The following SYNGR1 variants were observed in gnomAD, a reference collection of about 807,000 sequenced individuals.
SYNGR1 encodes synaptogyrin 1.
SYNGR1 carries 14 observed loss-of-function variants against 26.1 expected under a neutral mutation model. That is an observed-to-expected ratio of 0.54 (90% CI 0.35 to 0.84). The LOEUF (loss-of-function observed/expected upper bound fraction) is 0.84, where lower values mean the gene tolerates loss of function less well. SYNGR1 is among the 40% of genes least tolerant of loss of function. The probability of loss-of-function intolerance (pLI) is 0.01; values close to 1 mark genes in which losing one functional copy is unlikely to be tolerated. For missense variants in SYNGR1, 319 were observed against 332.9 expected, an observed-to-expected ratio of 0.96 and a Z score of 0.33; for synonymous variants, 141 against 150.1, an observed-to-expected ratio of 0.94 and a Z score of 0.44.
intron 3 of SYNGR1, chr22:39,378,373 G>A (rs1385360090): frequency 2.3e-6 from 2 of 870,336 alleles, no homozygotes; most frequent in Admixed American, 6.2e-5. Context: ...AAGCTCTTTT[G>A]TTCATTCATT....
chr22:39,378,165 C>A (rs983968510), intron 3 of SYNGR1: 2 of 1,112,406 alleles, frequency 1.8e-6, no homozygotes, highest in Non-Finnish European at 1.1e-6. Flanking sequence ...GGGTTAGCAT[C>A]CTGGCCGAGG....
chr22:39,381,689 TC>T lies in SYNGR1; in HGVS notation c.484-3del, dbSNP rs1385609329. ...CTGTCCTTGTCCTCGCCGGCCTTTG[TC>T]CCCAGGCGGGCCAGGCTGTGCTGGC... On this transcript the variant is annotated splice_polypyrimidine_tract_variant and splice_region_variant and intron_variant, in intron 3 of 3. Transcript: ENST00000328933. 2 of 1,613,258 alleles carry T rather than the reference TC, an allele frequency of 1.2e-6. No individual in the cohort carries two copies. The highest frequency in any genetic ancestry group is 3.3e-5 in the Admixed American group (2 of 60,020).
chr22:39,370,730 G>C (rs1924980851), intron 1 of SYNGR1, among the ~76,000 whole-genome samples: 1 of 151,170 alleles, frequency 6.6e-6, no homozygotes, highest in South Asian at 2.1e-4. Context: ...CCATTCTCCT[G>C]TCACAGGCTT....
At chr22:39,378,072 C>T in intron 3 of SYNGR1, 1 of 1,184,282 alleles carries the variant, frequency 8.4e-7, no homozygotes, top group African/African-American at 1.6e-5. Flanking sequence ...TAGAGGCGTT[C>T]ATGGTCCCCA....
At chr22:39,362,202 G>C (rs774894793) in intron 1 of SYNGR1, among the ~76,000 whole-genome samples, 9 of 152,114 alleles carry the variant, frequency 5.9e-5, no homozygotes, top group Non-Finnish European at 1.3e-4. Context: ...CTCAGCCAGA[G>C]GAGAGGAAGA....
chr22:39,357,485 T>A (rs1003514639), intron 1 of SYNGR1, among the ~76,000 whole-genome samples: 1 of 152,160 alleles, frequency 6.6e-6, no homozygotes, highest in Admixed American at 6.5e-5. Flanking sequence ...AGCCCCTTTC[T>A]GGGCTGGCCA....
intron 1 of SYNGR1, among the ~76,000 whole-genome samples, chr22:39,361,208 A>G (rs1924455815): frequency 6.6e-6 from 1 of 152,204 alleles, no homozygotes; most frequent in African/African-American, 2.4e-5. Flanking sequence ...AAGGTGAGGC[A>G]GGGCCTGGGA....
chr22:39,366,515 G>A (rs771891263), intron 1 of SYNGR1, among the ~76,000 whole-genome samples: 4 of 152,008 alleles, frequency 2.6e-5, no homozygotes, highest in Non-Finnish European at 4.4e-5. Flanking sequence ...GTGCAGGAGC[G>A]CACGGCTATA....
intron 3 of SYNGR1, among the ~76,000 whole-genome samples, chr22:39,380,636 T>C (rs1925470481): frequency 6.8e-6 from 1 of 147,876 alleles, no homozygotes; most frequent in African/African-American, 2.5e-5. Context: ...TTTTTTTTTT[T>C]TTTTGAGACA....
At chr22:39,376,491 T>C (rs1925293457) in intron 3 of SYNGR1, among the ~76,000 whole-genome samples, 1 of 151,178 alleles carries the variant, frequency 6.6e-6, no homozygotes, top group South Asian at 2.1e-4. Context: ...TCTGGGTAAA[T>C]GGTGTTTATT....
chr22:39,375,904 C>T, intron 2 of SYNGR1, 148 bp from the exon 3 acceptor site: 1 of 1,043,172 alleles, frequency 9.6e-7, no homozygotes, highest in South Asian at 1.3e-5. Context: ...CTTCCCCTAC[C>T]CCCTTTGCCT....
At chr22:39,351,454 C>T (rs189678614) in intron 1 of SYNGR1, among the ~76,000 whole-genome samples, 1 of 152,246 alleles carries the variant, frequency 6.6e-6, no homozygotes. Flanking sequence ...TGCACAGAGC[C>T]GGGCACCCCA....
intron 1 of SYNGR1, among the ~76,000 whole-genome samples, chr22:39,358,665 A>G (rs1390395247): frequency 6.6e-6 from 1 of 152,080 alleles, no homozygotes; most frequent in Admixed American, 6.5e-5. Flanking sequence ...GAAACTCCGG[A>G]CACATCCGAA....
Position 39,381,885 on chromosome 22 carries a change from C to G in SYNGR1, c.673C>G (p.Pro225Ala). ...GCCGGCCAACACCTTCGACACCGAG[C>G]CCCAGGGCTACCAGTCGCAGGGCTA... ...QQPANTFDTE[P>A]QGYQSQGY The change falls in exon 4 of 4, where the codon CCC becomes GCC. Residue 225 changes from proline to alanine, a missense_variant. Coordinates refer to ENST00000328933, the MANE Select transcript of SYNGR1 (RefSeq NM_004711.5). 6.2e-7 allele frequency: 1 copy of G among 1,612,648 alleles called. No homozygotes were observed. The highest frequency in any genetic ancestry group is 8.5e-7 in the Non-Finnish European group (1 of 1,179,754).
At position 39,382,952 on chromosome 22, in the gene SYNGR1, C is replaced by T. The variant is rs939634716; in HGVS notation, c.*1038C>T. 6.6e-6 allele frequency: 1 copy of T among 152,272 alleles called. No homozygotes were observed. The highest frequency in any genetic ancestry group is 1.5e-5 in the Non-Finnish European group (1 of 68,104). 9.4% of individuals were successfully genotyped at this position (152,272 alleles called of 1,614,324 possible). ...AAGCCCTTACCTAGGGCTGGGTGGA[C>T]AACAAGGCACAGATGAGGGTGTGAC... On this transcript the variant is annotated 3_prime_UTR_variant, in exon 4 of 4. Transcript: ENST00000328933.
chr22:39,374,752 A>G, intron 2 of SYNGR1, 199 bp downstream of exon 2: 1 of 624,186 alleles, frequency 1.6e-6, no homozygotes, highest in South Asian at 1.9e-5. Flanking sequence ...AAAATAACCC[A>G]TGCTGCCCAC....
intron 2 of SYNGR1, 199 bp downstream of exon 2, chr22:39,374,752 A>C: frequency 1.8e-5 from 11 of 624,142 alleles, no homozygotes; most frequent in East Asian, 8.3e-5. Context: ...AAAATAACCC[A>C]TGCTGCCCAC....
Position 39,374,385 on chromosome 22 carries a change from G to C in SYNGR1, c.169G>C (p.Glu57Gln). 1 of 1,614,066 alleles carries C rather than the reference G, an allele frequency of 6.2e-7. No individual in the cohort carries two copies. The highest frequency in any genetic ancestry group is 8.5e-7 in the Non-Finnish European group (1 of 1,180,028). Residue 57 changes from glutamate to glutamine, a missense_variant, in exon 2 of 4, where the codon GAG becomes CAG. Glu to Gln is a conservative substitution (Grantham distance 29, BLOSUM62 2). Transcript: ENST00000328933. ...CCTCAACAGCGCCTCCGAGGGGGAGGAGTTCTGCATCTACAACCGCAACCC... is the reference window on the plus strand; with the variant it reads ...CCTCAACAGCGCCTCCGAGGGGGAGCAGTTCTGCATCTACAACCGCAACCC... ...GYLNSASEGE[E>Q]FCIYNRNPNA...
At chr22:39,376,276 C>T in intron 3 of SYNGR1, 79 bp downstream of exon 3, 1 of 1,608,156 alleles carries the variant, frequency 6.2e-7, no homozygotes, top group Non-Finnish European at 8.5e-7. Flanking sequence ...CTTTCGCTAG[C>T]CTGGGACCCG....
Sources: gnomAD v4.1 joint callset for allele counts (sites outside exome capture counted in the v4.1 genomes callset) on GRCh38, gnomAD v4.1.1 for gene constraint, MANE v1.5 for transcripts, NCBI Gene and HGNC (gene_info 2026-07-23, HGNC 2026-07-21) for gene names.